Variants in ABI3BP observed in about 807,000 individuals in gnomAD.
ABI3BP encodes target of Nesh-SH3.
In ABI3BP, 216 loss-of-function variants were observed where a neutral mutation model predicts 268.6. The observed-to-expected ratio is 0.80, with a 90% CI of 0.72 to 0.90. The LOEUF (loss-of-function observed/expected upper bound fraction) is 0.90. Among genes scored for constraint, ABI3BP ranks in the 40% least tolerant of loss-of-function variants. ABI3BP has a pLI of 0.00. For missense variants in ABI3BP, 2,090 were observed against 2,182.4 expected (o/e 0.96, Z 0.84); for synonymous variants, 730 against 730.0 (o/e 1.00, Z 0.00).
At chr3:100,894,956 A>AC (rs2046797767) in intron 4 of ABI3BP, among the ~76,000 whole-genome samples, 1 of 131,440 alleles carries the variant, frequency 7.6e-6, no homozygotes, top group African/African-American at 2.6e-5. Flanking sequence ...AAAAAAAAAA[A>AC]AAAAAAAAAA....
chr3:100,964,861 C>T (rs939512142), intron 1 of ABI3BP, among the ~76,000 whole-genome samples: 8 of 152,218 alleles, frequency 5.3e-5, no homozygotes, highest in African/African-American at 1.4e-4. Flanking sequence ...GGCTTCTGCC[C>T]TCACTGGTTG....
At chr3:100,832,133 C>T (rs1034862840) in intron 31 of ABI3BP, 131 bp downstream of exon 31, 7 of 768,654 alleles carry the variant, frequency 9.1e-6, no homozygotes, top group Middle Eastern at 4.9e-4. Flanking sequence ...TCATGTTCTC[C>T]TCACTAACCA....
chr3:100,976,148 A>G (rs1048618050), intron 1 of ABI3BP, among the ~76,000 whole-genome samples: 1 of 152,210 alleles, frequency 6.6e-6, no homozygotes. Context: ...GGTAAAATAT[A>G]GAGTTAAAAT....
At chr3:100,895,063 C>T (rs2047038775) in intron 4 of ABI3BP, among the ~76,000 whole-genome samples, 2 of 146,288 alleles carry the variant, frequency 1.4e-5, no homozygotes, top group African/African-American at 5.1e-5. Flanking sequence ...AGAGTGAGAA[C>T]TAAAGCAATC....
intron 63 of ABI3BP, among the ~76,000 whole-genome samples, chr3:100,763,987 G>A (rs1423243594): frequency 6.6e-6 from 1 of 152,126 alleles, no homozygotes; most frequent in African/African-American, 2.4e-5. Flanking sequence ...CCCATCTCCT[G>A]ATCTGGCTTA....
intron 2 of ABI3BP, chr3:100,911,791 G>T: frequency 1.6e-6 from 2 of 1,244,378 alleles, no homozygotes; most frequent in African/African-American, 1.5e-5. Flanking sequence ...GGTGTTAATA[G>T]CAGAAAAATA....
At chr3:100,754,466 C>A in intron 64 of ABI3BP, 146 bp downstream of exon 64, 1 of 712,772 alleles carries the variant, frequency 1.4e-6, no homozygotes, top group Non-Finnish European at 2.4e-6. Flanking sequence ...TCTAAACCTT[C>A]ATCAGTTTGC....
chr3:100,780,555 C>A (rs566368048), intron 57 of ABI3BP, among the ~76,000 whole-genome samples: 1 of 152,160 alleles, frequency 6.6e-6, no homozygotes, highest in African/African-American at 2.4e-5. Flanking sequence ...TTCATCAGTA[C>A]ATTTTGTAAT....
At chr3:100,770,975 C>T (rs570775257) in intron 61 of ABI3BP, 23 bp from the exon 62 acceptor site, 2 of 1,475,932 alleles carry the variant, frequency 1.4e-6, no homozygotes, top group East Asian at 2.5e-5. Context: ...GGACCCTTGA[C>T]ATTTAACATT....
intron 1 of ABI3BP, among the ~76,000 whole-genome samples, chr3:100,987,603 T>G (rs2092140583): frequency 6.6e-6 from 1 of 152,218 alleles, no homozygotes; most frequent in South Asian, 2.1e-4. Context: ...TCATTCAGTT[T>G]ACCTAGTAGA....
At chr3:100,966,572 T>A (rs1407069647) in intron 1 of ABI3BP, among the ~76,000 whole-genome samples, 1 of 152,228 alleles carries the variant, frequency 6.6e-6, no homozygotes, top group African/African-American at 2.4e-5. Context: ...AGATTCTCCA[T>A]CGGCACAAGG....
chr3:100,874,741 T>C lies in ABI3BP; in HGVS notation c.910+100A>G, dbSNP rs185570873. 906 of 658,108 alleles carry C rather than the reference T, an allele frequency of 1.4e-3. 7 individuals carry two copies. In the African/African-American group the frequency reaches 0.015, roughly 11 times the overall value. The allele number at this position is 658,108 out of a possible 1,614,324, so 40.8% of individuals were successfully genotyped here. A position where few individuals can be genotyped will look rare whatever the true frequency, so the allele number is the denominator to read the frequency against. ...TTGCCTCTACTTTTTTACTTTGAGA[T>C]CCTCAAACAGCTCATTAGCAAGATT... is the stretch of plus-strand genomic sequence containing the variant. On this transcript the variant is annotated intron_variant, in intron 9 of 67. Transcript: ENST00000471714.
chr3:100,963,805 C>T (rs2080133953), intron 1 of ABI3BP, among the ~76,000 whole-genome samples: 1 of 152,160 alleles, frequency 6.6e-6, no homozygotes, highest in South Asian at 2.1e-4. Flanking sequence ...TAGGGAGGCT[C>T]TGATTTCACT....
At chr3:100,797,098 A>G (rs1435518442) in intron 51 of ABI3BP, among the ~76,000 whole-genome samples, 1 of 152,060 alleles carries the variant, frequency 6.6e-6, no homozygotes, top group Non-Finnish European at 1.5e-5. Flanking sequence ...TTCTTTAGTG[A>G]TGTGGCTTCC....
At chr3:100,830,737 T>A in intron 31 of ABI3BP, 103 bp from the exon 32 acceptor site, 3 of 843,996 alleles carry the variant, frequency 3.6e-6, no homozygotes, top group South Asian at 1.8e-5. Flanking sequence ...GCTGCAAAAT[T>A]AATTCTTAAT....
intron 1 of ABI3BP, among the ~76,000 whole-genome samples, chr3:100,968,730 C>T (rs990783588): frequency 2.6e-5 from 4 of 151,908 alleles, no homozygotes; most frequent in African/African-American, 9.7e-5. Flanking sequence ...GGGATATGTG[C>T]GCAGAACGTG....
At chr3:100,937,099 C>T (rs1277940587) in intron 1 of ABI3BP, among the ~76,000 whole-genome samples, 2 of 151,946 alleles carry the variant, frequency 1.3e-5, no homozygotes, top group African/African-American at 4.8e-5. Flanking sequence ...CATAGTTTGC[C>T]AACTTTTGGT....
chr3:100,965,253 T>G (rs1179960567), intron 1 of ABI3BP, among the ~76,000 whole-genome samples: 1 of 152,188 alleles, frequency 6.6e-6, no homozygotes, highest in Non-Finnish European at 1.5e-5. Flanking sequence ...AAATGCCATC[T>G]TTTTCAAGTC....
At chr3:100,938,300 T>TAAA (rs35474962) in intron 1 of ABI3BP, among the ~76,000 whole-genome samples, 104 of 144,486 alleles carry the variant, frequency 7.2e-4, no homozygotes, top group East Asian at 2.6e-3. Context: ...ACCTAAAAGT[T>TAAA]AAAAAAAAAA....
Sources: gnomAD v4.1 joint callset for allele counts (sites outside exome capture counted in the v4.1 genomes callset) on GRCh38, gnomAD v4.1.1 for gene constraint, MANE v1.5 for transcripts, NCBI Gene and HGNC (gene_info 2026-07-23, HGNC 2026-07-21) for gene names.